IL1RAPL2: variants seen among roughly 807,000 people sequenced by gnomAD.
IL1RAPL2 encodes the protein X-linked interleukin-1 receptor accessory protein-like 2.
In IL1RAPL2, 3 loss-of-function variants were observed where a neutral mutation model predicts 44.1. The ratio of observed to expected loss-of-function variants is 0.07; its 90% CI spans 0.03 to 0.18. The LOEUF (loss-of-function observed/expected upper bound fraction) is 0.18. Ranked by LOEUF, IL1RAPL2 falls within the 10% of genes least tolerant of loss-of-function variation. The pLI, the probability that IL1RAPL2 is intolerant of heterozygous loss-of-function variation, is 1.00. For missense variants in IL1RAPL2, 391 were observed against 496.4 expected, an observed-to-expected ratio of 0.79 and a Z score of 2.02; for synonymous variants, 181 against 178.8, an observed-to-expected ratio of 1.01 and a Z score of -0.10.
At chrX:104,921,699 T>C (rs779453624) in intron 2 of IL1RAPL2, among the ~76,000 whole-genome samples, 1 of 112,807 alleles carries the variant, frequency 8.9e-6, no homozygotes, top group South Asian at 3.6e-4. Context: ...GTTCATGTAA[T>C]GGCATGGGAA....
At chrX:104,569,874 T>C (rs1363226007) in intron 1 of IL1RAPL2, among the ~76,000 whole-genome samples, 1 of 112,478 alleles carries the variant, frequency 8.9e-6, no homozygotes, top group Non-Finnish European at 1.9e-5. Context: ...TGTGAGGCCC[T>C]GAGTAGATTC....
chrX:105,681,901 G>A (rs1171842461), intron 6 of IL1RAPL2, among the ~76,000 whole-genome samples: 1 of 111,557 alleles, frequency 9.0e-6, no homozygotes, highest in Non-Finnish European at 1.9e-5. Flanking sequence ...CTTTTTTAAT[G>A]ACGAAGCACT....
At chrX:105,533,246 A>G (rs1415696780) in intron 6 of IL1RAPL2, among the ~76,000 whole-genome samples, 2 of 112,259 alleles carry the variant, frequency 1.8e-5, no homozygotes, top group African/African-American at 6.5e-5. Flanking sequence ...GGAAATCACC[A>G]CAGATAAATT....
At chrX:104,578,130 A>G (rs939528809) in intron 1 of IL1RAPL2, among the ~76,000 whole-genome samples, 13 of 112,063 alleles carry the variant, frequency 1.2e-4, no homozygotes, top group African/African-American at 4.2e-4. Context: ...ACAAACACCC[A>G]CATCTTAGTT....
At chrX:104,803,360 A>G (rs1932898021) in intron 2 of IL1RAPL2, among the ~76,000 whole-genome samples, 1 of 112,037 alleles carries the variant, frequency 8.9e-6, no homozygotes, top group Non-Finnish European at 1.9e-5. Context: ...CACCTTCTAA[A>G]CATCCAGAAC....
At chrX:104,616,173 C>G (rs1450844250) in intron 1 of IL1RAPL2, among the ~76,000 whole-genome samples, 1 of 112,037 alleles carries the variant, frequency 8.9e-6, no homozygotes. Context: ...CTGTATGTTC[C>G]CTGTTCACTC....
At chrX:105,383,226 G>A (rs1178479455) in intron 5 of IL1RAPL2, among the ~76,000 whole-genome samples, 2 of 107,188 alleles carry the variant, frequency 1.9e-5, no homozygotes, top group South Asian at 8.0e-4. Flanking sequence ...CTATATTTTT[G>A]TACCCATTAA....
At chrX:105,066,988 T>C (rs1218059534) in intron 2 of IL1RAPL2, among the ~76,000 whole-genome samples, 1 of 111,637 alleles carries the variant, frequency 9.0e-6, no homozygotes, top group Non-Finnish European at 1.9e-5. Context: ...TTGGAACTGG[T>C]GAATTGGAAA....
At chrX:105,002,026 A>ACGAATTT (rs1443795108) in intron 2 of IL1RAPL2, among the ~76,000 whole-genome samples, 1 of 111,002 alleles carries the variant, frequency 9.0e-6, no homozygotes, top group Non-Finnish European at 1.9e-5. Flanking sequence ...TTTCTGCAGA[A>ACGAATTT]CGAATTTCGG....
At chrX:105,090,899 G>A (rs766199075) in intron 2 of IL1RAPL2, among the ~76,000 whole-genome samples, 71 of 111,709 alleles carry the variant, frequency 6.4e-4, no homozygotes, top group African/African-American at 2.2e-3. Flanking sequence ...CTCCCTGAAT[G>A]TAAAATTTCT....
Position 104,937,489 on chromosome X carries a change from G to C in IL1RAPL2, c.83-257986G>C, listed in dbSNP as rs746662457. 6.2e-5 allele frequency among the ~76,000 whole-genome samples: 7 copies of C among 112,213 alleles called. No homozygotes were observed. The South Asian group carries it at 2.6e-3, about 42-fold the overall frequency. ...AGTTACTACAAACTCCCATTTGAAA[G>C]TGATACCCATCACTTCTGTTCACAT... On this transcript the variant is annotated intron_variant, in intron 2 of 10. Coordinates refer to ENST00000372582, the MANE Select transcript of IL1RAPL2 (RefSeq NM_017416.2).
chrX:104,569,845 T>A (rs1027392795), intron 1 of IL1RAPL2, among the ~76,000 whole-genome samples: 1 of 112,335 alleles, frequency 8.9e-6, no homozygotes, highest in African/African-American at 3.2e-5. Flanking sequence ...GTGCCTTAAA[T>A]AAAATCATCA....
intron 3 of IL1RAPL2, among the ~76,000 whole-genome samples, chrX:105,215,188 C>T (rs782465330): frequency 9.9e-5 from 11 of 111,287 alleles, no homozygotes; most frequent in East Asian, 2.8e-4. Context: ...TTTTTTGAAA[C>T]GATTAACAAA....
At chrX:105,478,116 A>T (rs901612304) in intron 5 of IL1RAPL2, among the ~76,000 whole-genome samples, 5 of 108,946 alleles carry the variant, frequency 4.6e-5, no homozygotes, top group Non-Finnish European at 9.5e-5. Context: ...ATTGCCTGTT[A>T]CCTTTGGCCA....
intron 1 of IL1RAPL2, among the ~76,000 whole-genome samples, chrX:104,631,300 T>C (rs949223546): frequency 8.9e-6 from 1 of 111,985 alleles, no homozygotes; most frequent in Non-Finnish European, 1.9e-5. Context: ...AATAAACATA[T>C]GTGTGCATGT....
At chrX:104,722,834 A>G (rs1931709192) in intron 2 of IL1RAPL2, among the ~76,000 whole-genome samples, 1 of 111,923 alleles carries the variant, frequency 8.9e-6, no homozygotes, top group Non-Finnish European at 1.9e-5. Context: ...GCAGAATCTG[A>G]CGAATGGATG....
intron 1 of IL1RAPL2, among the ~76,000 whole-genome samples, chrX:104,639,315 CT>C (rs1189176240): frequency 2.7e-5 from 3 of 110,829 alleles, no homozygotes; most frequent in African/African-American, 9.8e-5. Flanking sequence ...CTATGTGCAT[CT>C]TTACTGGTAA....
intron 1 of IL1RAPL2, among the ~76,000 whole-genome samples, chrX:104,625,473 A>G (rs1245859310): frequency 1.8e-5 from 2 of 111,603 alleles, no homozygotes; most frequent in African/African-American, 3.3e-5. Context: ...ATAATAATGT[A>G]AGTATTTATA....
intron 2 of IL1RAPL2, among the ~76,000 whole-genome samples, chrX:105,033,418 G>A (rs1456623920): frequency 9.0e-6 from 1 of 111,178 alleles, no homozygotes; most frequent in East Asian, 2.8e-4. Flanking sequence ...GGGCAGGCCT[G>A]GTGGTGACAA....
Sources: allele counts gnomAD v4.1 joint callset (sites outside exome capture counted in the v4.1 genomes callset), GRCh38; gene constraint gnomAD v4.1.1; transcripts MANE v1.5; gene names NCBI Gene and HGNC (gene_info 2026-07-23, HGNC 2026-07-21).